Variants in KIF7 observed in about 807,000 individuals in gnomAD.
KIF7 encodes kinesin-like protein KIF7.
KIF7 carries 104 observed loss-of-function variants against 135.7 expected under a neutral mutation model. The ratio of observed to expected loss-of-function variants is 0.77; its 90% CI spans 0.65 to 0.90. KIF7 has a LOEUF of 0.90. KIF7 is among the 40% of genes least tolerant of loss of function. The pLI is 0.00. For missense variants in KIF7, 2,005 were observed against 1,839.1 expected, an observed-to-expected ratio of 1.09 and a Z score of -1.65; for synonymous variants, 883 against 809.4, an observed-to-expected ratio of 1.09 and a Z score of -1.54.
chr15:89,656,425 T>G (rs375456534), upstream of KIF7, among the ~76,000 whole-genome samples: 90 of 151,892 alleles, frequency 5.9e-4, no homozygotes, highest in Non-Finnish European at 7.4e-4. Context: ...CAGTGTGTGG[T>G]GAAGCATGCC....
chr15:89,645,226 G>A (rs1963990949), intron 9 of KIF7, 61 bp from the exon 10 acceptor site: 2 of 1,603,386 alleles, frequency 1.2e-6, no homozygotes, highest in Admixed American at 3.3e-5. Flanking sequence ...ACAGAGGAGT[G>A]GAGAGCAGGG....
At position 89,633,775 on chromosome 15, in the gene KIF7, G is replaced by C. The variant is rs1567060070; in HGVS notation, c.2503C>G (p.Gln835Glu). 1.2e-6 allele frequency: 2 copies of C among 1,611,400 alleles called. No homozygotes were observed. The highest frequency in any genetic ancestry group is 1.7e-6 in the Non-Finnish European group (2 of 1,180,002). ...ERNVQLMRQQ[Q>E]GQLQRRLREE... ...CGAAGCCGCCTCTGCAGCTGTCCCTGCTGCTGCCGCATGAGCTGCACGTTC... is the reference window on the plus strand; with the variant it reads ...CGAAGCCGCCTCTGCAGCTGTCCCTCCTGCTGCCGCATGAGCTGCACGTTC... Residue 835 changes from glutamine (Q) to glutamate (E), a missense_variant, in exon 12 of 19, where the codon CAG becomes GAG. By Grantham distance (29) the Gln-to-Glu change is conservative. Coordinates refer to ENST00000394412, the MANE Select transcript of KIF7 (RefSeq NM_198525.3).
chr15:89,649,188 G>A lies in KIF7; in HGVS notation c.709C>T (p.Arg237Cys). The change falls in exon 4 of 19, where the codon CGC becomes TGC. Residue 237 changes from arginine to cysteine, a missense_variant. Physicochemically the swap from Arg to Cys is radical, Grantham distance 180 (BLOSUM62 -3). Transcript: ENST00000394412. ...ACGAGCAGCTGGCCCGGGGCGGGGCGGGGTAGGCGGCTGGGGGCGCGCCCC... is the reference window on the plus strand; with the variant it reads ...ACGAGCAGCTGGCCCGGGGCGGGGCAGGGTAGGCGGCTGGGGGCGCGCCCC... ...QRGRAPSRLP[R>C]PAPGQLLVSK... 3.2e-6 allele frequency: 5 copies of A among 1,546,646 alleles called. No individual in the cohort carries two copies. The highest frequency in any genetic ancestry group is 2.4e-5 in the East Asian group (1 of 40,860).
chr15:89,619,424 C>T (rs1963388097), intron 1 of KIF7, among the ~76,000 whole-genome samples: 1 of 151,934 alleles, frequency 6.6e-6, no homozygotes, highest in Non-Finnish European at 1.5e-5. Context: ...CAGGGTTTCA[C>T]CTTGTTGGTC....
upstream of KIF7, among the ~76,000 whole-genome samples, chr15:89,658,999 C>A (rs1964232589): frequency 6.6e-6 from 1 of 152,122 alleles, no homozygotes; most frequent in Non-Finnish European, 1.5e-5. Flanking sequence ...ACATAACTTT[C>A]AGCACCACAG....
downstream of KIF7, chr15:89,623,855 CAGG>C: frequency 1.9e-6 from 3 of 1,613,972 alleles, no homozygotes; most frequent in Non-Finnish European, 2.5e-6. Flanking sequence ...CATACCCAGG[CAGG>C]AGAAGGTACC....
At chr15:89,649,421 C>T (rs1426515142) in intron 3 of KIF7, 54 bp from the exon 4 acceptor site, 1 of 1,439,178 alleles carries the variant, frequency 6.9e-7, no homozygotes, top group African/African-American at 1.4e-5. Flanking sequence ...GACTGACCAG[C>T]CAGGAGGGCA....
At chr15:89,650,539 A>G (rs752853993) in intron 2 of KIF7, among the ~76,000 whole-genome samples, 4 of 151,354 alleles carry the variant, frequency 2.6e-5, no homozygotes, top group Non-Finnish European at 4.4e-5. Context: ...GATTATAGGC[A>G]TCTGCCACCA....
At chr15:89,659,959 G>A (rs929360838), upstream of KIF7, among the ~76,000 whole-genome samples, 1 of 152,240 alleles carries the variant, frequency 6.6e-6, no homozygotes, top group Non-Finnish European at 1.5e-5. Flanking sequence ...CTGTTCGGGG[G>A]ACCGAGGTGG....
Position 89,645,881 on chromosome 15 carries a change from G to C in KIF7, c.1922+12C>G, listed in dbSNP as rs1170908859. On this transcript the variant is annotated intron_variant, in intron 8 of 18. Coordinates refer to ENST00000394412, the MANE Select transcript of KIF7 (RefSeq NM_198525.3). ...AGGTCCTTGTCAGGTGGGGGCAGTG[G>C]GTCCCACTCACCTGCGCAGGTGTAA... The C allele has an allele frequency of 1.2e-6, 2 of 1,612,558 alleles. No individual in the cohort carries two copies. Among genetic ancestry groups the C allele is most frequent in the East Asian group, 2.2e-5 (1 of 44,860 alleles).
chr15:89,624,278 G>A (rs140999151), downstream of KIF7: 1 of 1,614,154 alleles, frequency 6.2e-7, no homozygotes, highest in Admixed American at 1.7e-5. Context: ...TCCAAGAAGA[G>A]TCCATTTAGG....
chr15:89,650,083 C>T (rs1255944660), intron 2 of KIF7, 142 bp from the exon 3 acceptor site: 14 of 842,974 alleles, frequency 1.7e-5, no homozygotes, highest in Non-Finnish European at 2.5e-5. Context: ...CAGGATGGGA[C>T]AGGTGGCCTG....
In KIF7 at chr15:89,628,650, G is replaced by A. The variant is rs371596537; in HGVS notation, c.3801C>T (p.Asp1267=). ...GAPRTREETR[D]LVHAPLPLTW... ...TCAAGGGTAACGGAGCGTGGACCAA[G>A]TCCCGCGTCTCCTCCCGGGTGCGGG... The change falls in exon 19 of 19, where the codon GAC becomes GAT. Residue 1267 remains aspartate, a synonymous_variant. Transcript: ENST00000394412. 1.9e-6 allele frequency: 3 copies of A among 1,613,114 alleles called. No homozygotes were observed. The African/African-American group carries it at 4.0e-5, about 22-fold the overall frequency.
rs139316078 is a variant in KIF7 at position 89,630,634 on chromosome 15, A to G, written c.3112-141T>C. On this transcript the variant is annotated intron_variant, in intron 15 of 18. Transcript: ENST00000394412. Reference sequence around the variant, plus strand: ...CCAAGGGCCAAGTCAGCCCATCGAGAGAGGTGCCCCCTGCTCACTGTCACA... The same window carrying G: ...CCAAGGGCCAAGTCAGCCCATCGAGGGAGGTGCCCCCTGCTCACTGTCACA... 1.8e-4 allele frequency: 131 copies of G among 727,982 alleles called. No homozygotes were observed. In the African/African-American group the frequency reaches 2.0e-3, roughly 11 times the overall value. 45.1% of individuals were successfully genotyped at this position (727,982 alleles called of 1,614,324 possible).
At chr15:89,630,861 C>T (rs1394473433) in intron 15 of KIF7, 6 of 380,818 alleles carry the variant, frequency 1.6e-5, no homozygotes, top group African/African-American at 8.3e-5. Context: ...CATCATTAGG[C>T]GTTTTCGACG....
In KIF7 at chr15:89,649,257, A is replaced by T. The variant is rs1333950635; in HGVS notation, c.640T>A (p.Ser214Thr). Residue 214 changes from serine (S) to threonine (T), a missense_variant, in exon 4 of 19, where the codon TCT becomes ACT. Ser to Thr is a moderately conservative substitution (Grantham distance 58). Coordinates refer to ENST00000394412, the MANE Select transcript of KIF7 (RefSeq NM_198525.3). ...HTGATHLNHL[S>T]SRSHTVFTVT... The stretch of plus-strand genomic sequence containing the variant: ...GTGAAGACCGTGTGTGAGCGGCTAG[A>T]CAGGTGGTTGAGGTGCGTGGCTCCC... 6.5e-7 allele frequency: 1 copy of T among 1,532,192 alleles called. No individual in the cohort carries two copies. Among genetic ancestry groups the T allele is most frequent in the East Asian group, 2.5e-5 (1 of 40,486 alleles). The allele number at this position is 1,532,192 out of a possible 1,614,324, so 94.9% of individuals were successfully genotyped here.
chr15:89,618,411 T>C (rs1186304932), intron 1 of KIF7, among the ~76,000 whole-genome samples: 1 of 152,228 alleles, frequency 6.6e-6, no homozygotes, highest in Non-Finnish European at 1.5e-5. Flanking sequence ...AAAAGAAATA[T>C]TTTTGCACAA....
rs1293642227 is a variant in KIF7 at position 89,648,464 on chromosome 15, A to AGC, written c.1232_1233dup (p.Tyr412AlafsTer44). 1.9e-6 allele frequency: 2 copies of AGC among 1,065,696 alleles called. No individual in the cohort carries two copies. Among genetic ancestry groups the AGC allele is most frequent in the East Asian group, 6.4e-5 (1 of 15,696 alleles). The allele number at this position is 1,065,696 out of a possible 1,614,324, so 66.0% of individuals were successfully genotyped here. On this transcript the variant is annotated frameshift_variant, in exon 5 of 19. Coordinates refer to ENST00000394412, the MANE Select transcript of KIF7 (RefSeq NM_198525.3). LOFTEE classifies it high-confidence loss of function. Reference sequence around the variant, plus strand: ...TAGGCGGCGTCGGTGCAGGCCCGGTAGCGCGCGCACTCGGCGCCCAGGCGC... The same window carrying AGC: ...TAGGCGGCGTCGGTGCAGGCCCGGTAGCGCGCGCGCACTCGGCGCCCAGGCGC...
Position 89,630,503 on chromosome 15 carries a change from C to CA in KIF7, c.3112-11_3112-10insT, listed in dbSNP as rs35820949. 19 of 1,548,932 alleles carry CA rather than the reference C, an allele frequency of 1.2e-5. No homozygotes were observed. Among genetic ancestry groups the CA allele is most frequent in the Middle Eastern group, 1.9e-4 (1 of 5,300 alleles). ...ACAGCGTCCGCTCCTCCTGCAGAGACGGGCACGCGTGGAGGAACAGCACCC... is the reference window on the plus strand; with the variant it reads ...ACAGCGTCCGCTCCTCCTGCAGAGACAGGGCACGCGTGGAGGAACAGCACCC... On this transcript the variant is annotated splice_polypyrimidine_tract_variant and intron_variant, in intron 15 of 18. Transcript: ENST00000394412.
Sources: gnomAD v4.1 joint callset for allele counts (sites outside exome capture counted in the v4.1 genomes callset) on GRCh38, gnomAD v4.1.1 for gene constraint, MANE v1.5 for transcripts, NCBI Gene and HGNC (gene_info 2026-07-23, HGNC 2026-07-21) for gene names.